SMCHD1: variants seen among roughly 807,000 people sequenced by gnomAD.
SMCHD1 encodes the protein structural maintenance of chromosomes flexible hinge domain-containing protein 1.
In SMCHD1, 78 loss-of-function variants were observed where a neutral mutation model predicts 254.7. That is an observed-to-expected ratio of 0.31 (90% CI 0.26 to 0.37). The LOEUF is 0.37. Ranked by LOEUF, SMCHD1 falls within the 10% of genes least tolerant of loss-of-function variation. The pLI is 1.00. For missense variants in SMCHD1, 1,840 were observed against 2,408.1 expected (o/e 0.76, Z 4.94); for synonymous variants, 766 against 794.9 (o/e 0.96, Z 0.61).
chr18:2,665,867 C>G (rs1389122216), intron 1 of SMCHD1, among the ~76,000 whole-genome samples: 1 of 151,984 alleles, frequency 6.6e-6, no homozygotes, highest in Non-Finnish European at 1.5e-5. Flanking sequence ...CTGGGTGGGT[C>G]CTGCTGATGA....
intron 17 of SMCHD1, among the ~76,000 whole-genome samples, chr18:2,717,443 C>T (rs2074826896): frequency 6.6e-6 from 1 of 152,098 alleles, no homozygotes; most frequent in Admixed American, 6.5e-5. Flanking sequence ...CTCAAGTAGT[C>T]CTCCCATCTC....
At chr18:2,683,897 T>C (rs1239623119) in intron 5 of SMCHD1, among the ~76,000 whole-genome samples, 1 of 152,198 alleles carries the variant, frequency 6.6e-6, no homozygotes, top group Non-Finnish European at 1.5e-5. Context: ...TTTCTTTTAA[T>C]GTACCTTTAT....
chr18:2,728,264 A>G, intron 22 of SMCHD1, 193 bp from the exon 23 acceptor site: 2 of 532,788 alleles, frequency 3.8e-6, no homozygotes, highest in Non-Finnish European at 3.2e-6. Context: ...TACAATTGAG[A>G]TAAGTCTTGT....
intron 44 of SMCHD1, among the ~76,000 whole-genome samples, chr18:2,782,351 G>A (rs939037020): frequency 1.3e-5 from 2 of 152,128 alleles, no homozygotes; most frequent in African/African-American, 4.8e-5. Flanking sequence ...ATTATAAAAG[G>A]AGAGCCAAAC....
rs142765467 is a variant in SMCHD1, at chr18:2,672,761, T to C, written c.425-520T>C. Among the ~76,000 whole-genome samples, 214 of 152,364 alleles carry C rather than the reference T, an allele frequency of 1.4e-3. 1 individual carries two copies. The highest frequency in any genetic ancestry group is 3.6e-3 in the African/African-American group (148 of 41,586). On this transcript the variant is annotated intron_variant, in intron 3 of 47. Coordinates refer to ENST00000320876, the MANE Select transcript of SMCHD1 (RefSeq NM_015295.3). ...AGCAGTTCTGTGTCAGTTGAACAGA[T>C]GTATTCTGCCACTTGAAAAATTTGT...
chr18:2,685,201 G>A (rs535390289), intron 5 of SMCHD1, among the ~76,000 whole-genome samples: 7 of 140,402 alleles, frequency 5.0e-5, no homozygotes, highest in South Asian at 4.7e-4. Context: ...CCGGGTTCAC[G>A]CCATTCTCCG....
intron 44 of SMCHD1, among the ~76,000 whole-genome samples, chr18:2,779,949 A>G (rs116665627): frequency 1.3e-4 from 20 of 152,310 alleles, no homozygotes; most frequent in African/African-American, 4.6e-4. Context: ...TTAAGAAGCA[A>G]TAATAGGGCA....
chr18:2,658,964 T>A (rs1568057779), intron 1 of SMCHD1, among the ~76,000 whole-genome samples: 1 of 149,962 alleles, frequency 6.7e-6, no homozygotes, highest in Non-Finnish European at 1.5e-5. Context: ...ATATATATAT[T>A]TTTTACACTA....
At position 2,666,902 on chromosome 18, in the gene SMCHD1, C is replaced by G. The variant is rs2073456662; in HGVS notation, c.295C>G (p.Leu99Val). Reference sequence around the variant, plus strand: ...TGTTAAAGATGGAGTCACCTTATACCTGCTACAGTCGGTCAATCAGTTACT... The same window carrying G: ...TGTTAAAGATGGAGTCACCTTATACGTGCTACAGTCGGTCAATCAGTTACT... ...ETVKDGVTLY[L>V]LQSVNQLLLT... The change falls in exon 3 of 48, where the codon CTG (leucine) becomes GTG (valine). Residue 99 changes from leucine to valine, a missense_variant. Transcript: ENST00000320876. 6.2e-7 allele frequency: 1 copy of G among 1,613,242 alleles called. No homozygotes were observed. The highest frequency in any genetic ancestry group is 8.5e-7 in the Non-Finnish European group (1 of 1,179,562).
At position 2,738,503 on chromosome 18, in the gene SMCHD1, T is replaced by C; in HGVS notation, c.3383T>C (p.Phe1128Ser). 6.2e-7 allele frequency: 1 copy of C among 1,612,894 alleles called. No individual in the cohort carries two copies. Among genetic ancestry groups the C allele is most frequent in the Non-Finnish European group, 8.5e-7 (1 of 1,179,432 alleles). The change falls in exon 26 of 48, where the codon TTC (phenylalanine) becomes TCC (serine). Residue 1128 changes from phenylalanine (F) to serine (S), a missense_variant. Around this residue, in one of 9 missense-constraint regions of SMCHD1, gnomAD observed 881 missense variants for 1,009.5 expected, o/e 0.87. Coordinates refer to ENST00000320876, the MANE Select transcript of SMCHD1 (RefSeq NM_015295.3). ...VKDMRYCQVS[F>S]QDDHVSLESA... ...GATATGCGCTATTGCCAGGTTTCATTCCAAGATGATCATGTGTCTTTGGAA... is the reference window on the plus strand; with the variant it reads ...GATATGCGCTATTGCCAGGTTTCATCCCAAGATGATCATGTGTCTTTGGAA...
chr18:2,661,033 G>T (rs1382044994), intron 1 of SMCHD1, among the ~76,000 whole-genome samples: 1 of 152,116 alleles, frequency 6.6e-6, no homozygotes, highest in Non-Finnish European at 1.5e-5. Flanking sequence ...TTGCAGGGAC[G>T]TGGATGAAGC....
intron 42 of SMCHD1, 78 bp from the exon 43 acceptor site, chr18:2,777,728 C>A: frequency 1.4e-6 from 1 of 718,646 alleles, no homozygotes; most frequent in Non-Finnish European, 2.3e-6. Context: ...GCAATATATT[C>A]ATGTTTTCCA....
chr18:2,742,492 A>G (rs372510846), intron 28 of SMCHD1, among the ~76,000 whole-genome samples: 9 of 152,328 alleles, frequency 5.9e-5, no homozygotes, highest in African/African-American at 2.2e-4. Context: ...TTTGAACTTC[A>G]GTACATTTTA....
At chr18:2,747,719 T>C (rs2075482362) in intron 30 of SMCHD1, 72 bp downstream of exon 30, 2 of 1,152,656 alleles carry the variant, frequency 1.7e-6, no homozygotes, top group Admixed American at 3.0e-5. Context: ...TCTTTAGCTG[T>C]CATATTGCTT....
chr18:2,720,005 A>G (rs2074890892), intron 19 of SMCHD1, among the ~76,000 whole-genome samples: 1 of 151,728 alleles, frequency 6.6e-6, no homozygotes, highest in African/African-American at 2.4e-5. Flanking sequence ...ATTTTTTTGT[A>G]GAGACAGGGT....
chr18:2,781,145 G>C (rs2076151231), intron 44 of SMCHD1, among the ~76,000 whole-genome samples: 1 of 152,188 alleles, frequency 6.6e-6, no homozygotes, highest in Admixed American at 6.5e-5. Flanking sequence ...GATAACTGGG[G>C]ACACCCCCTC....
At chr18:2,673,453 A>C in intron 4 of SMCHD1, 90 bp downstream of exon 4, 1 of 951,386 alleles carries the variant, frequency 1.1e-6, no homozygotes, top group Non-Finnish European at 1.5e-6. Flanking sequence ...TAGAGATAAA[A>C]CTAAAAGTAG....
intron 13 of SMCHD1, among the ~76,000 whole-genome samples, chr18:2,704,317 G>A (rs961001161): frequency 6.6e-5 from 10 of 151,886 alleles, no homozygotes; most frequent in Non-Finnish European, 1.3e-4. Flanking sequence ...TTACTCACAT[G>A]GAGATCTCAG....
At chr18:2,780,788 C>T (rs1033046562) in intron 44 of SMCHD1, among the ~76,000 whole-genome samples, 1 of 152,146 alleles carries the variant, frequency 6.6e-6, no homozygotes, top group African/African-American at 2.4e-5. Flanking sequence ...ATGTGGTGTT[C>T]AGGAGACCTG....
Sources: allele counts gnomAD v4.1 joint callset (sites outside exome capture counted in the v4.1 genomes callset), GRCh38; gene constraint gnomAD v4.1.1; regional missense constraint gnomAD v4.1.1; transcripts MANE v1.5; gene names NCBI Gene and HGNC (gene_info 2026-07-23, HGNC 2026-07-21).